GNL2: variants seen among roughly 807,000 people sequenced by gnomAD.
The protein encoded by GNL2 is G protein nucleolar 2, also known as nucleolar GTP-binding protein 2.
A neutral mutation model predicts 92.3 loss-of-function variants in GNL2; 51 were observed. The observed-to-expected ratio is 0.55, with a 90% CI of 0.44 to 0.70. The LOEUF is 0.70. Ranked by LOEUF, GNL2 falls within the 30% of genes least tolerant of loss-of-function variation. The pLI, the probability that GNL2 is intolerant of heterozygous loss-of-function variation, is 0.00. For missense variants in GNL2, 844 were observed against 895.6 expected, an observed-to-expected ratio of 0.94 and a Z score of 0.74; for synonymous variants, 283 against 300.6, an observed-to-expected ratio of 0.94 and a Z score of 0.61.
At chr1:37,577,325 C>T (rs58284750) in intron 8 of GNL2, among the ~76,000 whole-genome samples, 2 of 151,892 alleles carry the variant, frequency 1.3e-5, no homozygotes, top group African/African-American at 2.4e-5. Flanking sequence ...TTGAAAGTTA[C>T]GACTACAGGG....
Position 37,587,495 on chromosome 1 carries a change from T to A in GNL2, c.385A>T (p.Asn129Tyr). 1.2e-6 allele frequency: 2 copies of A among 1,601,338 alleles called. No homozygotes were observed. Among genetic ancestry groups the A allele is most frequent in the Non-Finnish European group, 1.7e-6 (2 of 1,171,790 alleles). Residue 129 changes from asparagine (N) to tyrosine (Y), a missense_variant and splice_region_variant, in exon 5 of 16, where the codon AAC (asparagine) becomes TAC (tyrosine). Coordinates refer to ENST00000373062, the MANE Select transcript of GNL2 (RefSeq NM_013285.3). The part of the protein sequence containing the change: ...SLLHDRIRPH[N>Y]LKVHILDTES... ...GTATCAAGAATGTGCACCTTCAAGT[T>A]CTGAAGAGAAAGGAGAATAACAGGT...
chr1:37,589,471 A>AC (rs1553169403), intron 4 of GNL2, among the ~76,000 whole-genome samples: 3 of 151,086 alleles, frequency 2.0e-5, no homozygotes, highest in African/African-American at 7.3e-5. Context: ...CGCCCGGCTA[A>AC]TTTTTTTTTG....
In GNL2 at chr1:37,590,686, A is replaced by G. The variant is rs1372293996; in HGVS notation, c.384+20T>C. ...AGTTTGCCCAGGAAATTCCATCACC[A>G]GGGATATCCTACATCTTACATGAGG... On this transcript the variant is annotated intron_variant, in intron 4 of 15. Transcript: ENST00000373062. 10 of 1,602,576 alleles carry G rather than the reference A, an allele frequency of 6.2e-6. No homozygotes were observed. The highest frequency in any genetic ancestry group is 1.7e-4 in the Middle Eastern group (1 of 5,904).
intron 1 of GNL2, among the ~76,000 whole-genome samples, chr1:37,595,526 T>C (rs541958627): frequency 6.6e-6 from 1 of 152,206 alleles, no homozygotes; most frequent in Admixed American, 6.5e-5. Flanking sequence ...TTCAGACCAG[T>C]TGACTACACT....
Position 37,576,372 on chromosome 1 carries a change from T to C in GNL2, c.1038+56A>G, listed in dbSNP as rs1643677220. On this transcript the variant is annotated intron_variant, in intron 9 of 15. Transcript: ENST00000373062. ...AGAGAAATCAACAAGTCCTAAACAA[T>C]CACTCTCTATGAAAAGAAAATATGC... 1.6e-5 allele frequency: 25 copies of C among 1,524,026 alleles called. 1 individual carries two copies. The South Asian group carries it at 3.0e-4, about 18-fold the overall frequency. The allele number at this position is 1,524,026 out of a possible 1,614,324, so 94.4% of individuals were successfully genotyped here.
intron 2 of GNL2, 22 bp from the exon 3 acceptor site, chr1:37,592,828 T>A: frequency 7.4e-7 from 1 of 1,352,818 alleles, no homozygotes; most frequent in Non-Finnish European, 1.1e-6. Context: ...AAAGAACAGA[T>A]ATTGGTTGAC....
rs754987309 is a variant in GNL2, at chr1:37,569,068, C to T, written c.1651G>A (p.Glu551Lys). Residue 551 changes from glutamate (E) to lysine (K), a missense_variant, in exon 13 of 16, where the codon GAG becomes AAG. Physicochemically the swap from Glu to Lys is moderately conservative, Grantham distance 56. Coordinates refer to ENST00000373062, the MANE Select transcript of GNL2 (RefSeq NM_013285.3). ...AGCTCTTCCTCAAGATCTGACACCT[C>T]CACAGGAACCAGGTCATCCCCAGAA... ...QFSGDDLVPVEVSDLEEELES... is the reference protein window; with the variant it reads ...QFSGDDLVPVKVSDLEEELES... The T allele has an allele frequency of 1.1e-5, 18 of 1,614,052 alleles. No individual in the cohort carries two copies. The highest frequency in any genetic ancestry group is 1.1e-5 in the South Asian group (1 of 91,084).
At chr1:37,593,655 T>TC in intron 2 of GNL2, 107 bp downstream of exon 2, 2 of 724,564 alleles carry the variant, frequency 2.8e-6, no homozygotes, top group Non-Finnish European at 4.8e-6. Flanking sequence ...AATATATAAC[T>TC]CCTATTTGGA....
rs1643675958 is a variant in GNL2, at chr1:37,576,297, T to C, written c.1038+131A>G. On this transcript the variant is annotated intron_variant, in intron 9 of 15. Coordinates refer to ENST00000373062, the MANE Select transcript of GNL2 (RefSeq NM_013285.3). ...AACAACTCTGATACGTTCCAAACTATTATATGGTGAGCTAAACTCCTAGTG... is the reference window on the plus strand; with the variant it reads ...AACAACTCTGATACGTTCCAAACTACTATATGGTGAGCTAAACTCCTAGTG... 3.8e-6 allele frequency: 3 copies of C among 799,476 alleles called. 1 individual carries two copies. The highest frequency in any genetic ancestry group is 6.1e-6 in the Non-Finnish European group (3 of 494,512). 49.5% of individuals were successfully genotyped at this position (799,476 alleles called of 1,614,324 possible). A position where few individuals can be genotyped will look rare whatever the true frequency, so the allele number is the denominator to read the frequency against.
intron 2 of GNL2, among the ~76,000 whole-genome samples, chr1:37,593,034 C>T (rs1011000375): frequency 6.6e-6 from 1 of 152,030 alleles, no homozygotes. Context: ...AGATGAATAA[C>T]AACTAATGGT....
At chr1:37,581,290 G>A in intron 8 of GNL2, 1 of 450,904 alleles carries the variant, frequency 2.2e-6, no homozygotes, top group South Asian at 1.6e-5. Context: ...TGTGTCTTTT[G>A]TTAGAAGCCA....
At chr1:37,588,306 T>A (rs1291579113) in intron 4 of GNL2, among the ~76,000 whole-genome samples, 1 of 151,050 alleles carries the variant, frequency 6.6e-6, no homozygotes, top group Non-Finnish European at 1.5e-5. Context: ...CTTTTCCCCC[T>A]AGTACAAGCT....
intron 3 of GNL2, 50 bp from the exon 4 acceptor site, chr1:37,590,895 A>T: frequency 6.9e-7 from 1 of 1,450,112 alleles, no homozygotes; most frequent in African/African-American, 1.4e-5. Flanking sequence ...TTGCGCATCC[A>T]TCTTCCACTG....
At chr1:37,573,810 T>C (rs1643632704) in intron 12 of GNL2, among the ~76,000 whole-genome samples, 1 of 152,208 alleles carries the variant, frequency 6.6e-6, no homozygotes, top group South Asian at 2.1e-4. Flanking sequence ...AGCAAGGCCA[T>C]GGCACTGGCA....
intron 12 of GNL2, 92 bp downstream of exon 12, chr1:37,574,251 A>G: frequency 1.5e-6 from 1 of 651,360 alleles, no homozygotes; most frequent in Non-Finnish European, 2.7e-6. Context: ...CAGCTGAATG[A>G]ATACACGCTC....
chr1:37,571,335 A>G (rs1275009105), intron 12 of GNL2, among the ~76,000 whole-genome samples: 3 of 152,250 alleles, frequency 2.0e-5, no homozygotes, highest in Non-Finnish European at 2.9e-5. Flanking sequence ...CATTTGGGTC[A>G]TAAGACTATG....
chr1:37,579,895 C>CA (rs34353424), intron 8 of GNL2, among the ~76,000 whole-genome samples: 757 of 73,798 alleles, frequency 0.01, 13 homozygotes, highest in Middle Eastern at 0.019. Flanking sequence ...GACTCTGCCT[C>CA]AAAAAAAAAA....
At chr1:37,589,368 A>T (rs1643874205) in intron 4 of GNL2, among the ~76,000 whole-genome samples, 1 of 152,238 alleles carries the variant, frequency 6.6e-6, no homozygotes, top group Non-Finnish European at 1.5e-5. Flanking sequence ...GCAGTGGCGC[A>T]ATCTCGGCTC....
chr1:37,581,590 G>A (rs762837540), intron 8 of GNL2: 3 of 450,184 alleles, frequency 6.7e-6, no homozygotes, highest in Non-Finnish European at 1.3e-5. Flanking sequence ...TGGGGGCAAA[G>A]GCTGAGCAAG....
Sources: allele counts gnomAD v4.1 joint callset (sites outside exome capture counted in the v4.1 genomes callset), GRCh38; gene constraint gnomAD v4.1.1; transcripts MANE v1.5; gene names NCBI Gene and HGNC (gene_info 2026-07-23, HGNC 2026-07-21).